GLRB: variants seen among roughly 807,000 people sequenced by gnomAD.
GLRB encodes glycine receptor subunit beta.
In GLRB, 33 loss-of-function variants were observed where a neutral mutation model predicts 54.2. The ratio of observed to expected loss-of-function variants is 0.61; its 90% CI spans 0.46 to 0.81. The LOEUF is 0.81. Ranked by LOEUF, GLRB falls within the 40% of genes least tolerant of loss-of-function variation. GLRB has a pLI of 0.00. For missense variants in GLRB, 572 were observed against 584.6 expected (o/e 0.98, Z 0.22); for synonymous variants, 209 against 208.2 (o/e 1.00, Z -0.03).
intron 9 of GLRB, among the ~76,000 whole-genome samples, chr4:157,153,588 G>A (rs1307917401): frequency 6.6e-6 from 1 of 152,148 alleles, no homozygotes; most frequent in African/African-American, 2.4e-5. Context: ...GCAGGAGAAG[G>A]AATATTTAAG....
chr4:157,170,463 C>T lies in GLRB; in HGVS notation c.1229C>T (p.Thr410Ile). Reference sequence around the variant, plus strand: ...GAGACCAGATGCAAAAAAGTTTGTACTTCTAAGTCTGATCTGAGATCTAAT... The same window carrying T: ...GAGACCAGATGCAAAAAAGTTTGTATTTCTAAGTCTGATCTGAGATCTAAT... ...VGETRCKKVC[T>I]SKSDLRSNDF... The change falls in exon 10 of 10, where the codon ACT (threonine) becomes ATT (isoleucine). Residue 410 changes from threonine (T) to isoleucine (I), a missense_variant. Coordinates refer to ENST00000264428, the MANE Select transcript of GLRB (RefSeq NM_000824.5). The T allele has an allele frequency of 6.2e-7, 1 of 1,607,742 alleles. No homozygotes were observed. The highest frequency in any genetic ancestry group is 8.5e-7 in the Non-Finnish European group (1 of 1,174,568).
chr4:157,160,935 T>G (rs1410311235), intron 9 of GLRB, among the ~76,000 whole-genome samples: 1 of 152,160 alleles, frequency 6.6e-6, no homozygotes, highest in Non-Finnish European at 1.5e-5. Context: ...AGTGGGGTGT[T>G]AAAGTCTCCC....
chr4:157,166,786 T>C (rs1350583146), intron 9 of GLRB, among the ~76,000 whole-genome samples: 1 of 152,052 alleles, frequency 6.6e-6, no homozygotes, highest in Non-Finnish European at 1.5e-5. Flanking sequence ...CTGAAAAAAT[T>C]ATTCTCTTAC....
At position 157,170,357 on chromosome 4, in the gene GLRB, A is replaced by T; in HGVS notation, c.1198-75A>T. On this transcript the variant is annotated intron_variant, in intron 9 of 9. Coordinates refer to ENST00000264428, the MANE Select transcript of GLRB (RefSeq NM_000824.5). ...GCTTCTTGTAGAAACTAGCAATTTT[A>T]AAAATATCGTTTGAAGAGATGTGTT... 5 of 860,858 alleles carry T rather than the reference A, an allele frequency of 5.8e-6. No homozygotes were observed. The South Asian group carries it at 5.9e-5, about 10-fold the overall frequency. 53.3% of individuals were successfully genotyped at this position (860,858 alleles called of 1,614,324 possible).
At chr4:157,089,550 C>T (rs1734535271) in intron 2 of GLRB, among the ~76,000 whole-genome samples, 1 of 152,176 alleles carries the variant, frequency 6.6e-6, no homozygotes, top group Admixed American at 6.5e-5. Context: ...CCACATGTGG[C>T]TTCCTGAAAT....
intron 2 of GLRB, among the ~76,000 whole-genome samples, chr4:157,088,929 G>A (rs931644778): frequency 1.3e-5 from 2 of 152,014 alleles, no homozygotes; most frequent in African/African-American, 4.8e-5. Flanking sequence ...TCAACTAGTA[G>A]GATAAAATGG....
intron 2 of GLRB, 39 bp from the exon 3 acceptor site, chr4:157,120,517 A>G (rs1294617336): frequency 5.5e-6 from 6 of 1,094,392 alleles, no homozygotes; most frequent in East Asian, 4.8e-5. Flanking sequence ...GTTGTTTGCT[A>G]TTTATAACTA....
intron 2 of GLRB, among the ~76,000 whole-genome samples, chr4:157,097,635 A>G (rs1734861105): frequency 6.6e-6 from 1 of 152,210 alleles, no homozygotes; most frequent in Non-Finnish European, 1.5e-5. Context: ...ATTCAGCAAA[A>G]TATATAAATC....
chr4:157,137,952 A>G (rs1736465888), intron 6 of GLRB, among the ~76,000 whole-genome samples: 1 of 152,206 alleles, frequency 6.6e-6, no homozygotes, highest in African/African-American at 2.4e-5. Context: ...ACCTAAGCCC[A>G]AAATGTGTGT....
chr4:157,130,682 T>C (rs1736182098), intron 4 of GLRB, among the ~76,000 whole-genome samples: 1 of 151,684 alleles, frequency 6.6e-6, no homozygotes, highest in Non-Finnish European at 1.5e-5. Flanking sequence ...AGCTTTTGGC[T>C]GCTGTAAATA....
intron 2 of GLRB, chr4:157,084,525 A>G (rs538653451): frequency 9.0e-6 from 4 of 445,620 alleles, no homozygotes; most frequent in East Asian, 1.4e-4. Flanking sequence ...TAATTACATA[A>G]ATAACTTTTA....
chr4:157,136,390 C>A, intron 4 of GLRB, 79 bp from the exon 5 acceptor site: 1 of 807,224 alleles, frequency 1.2e-6, no homozygotes, highest in South Asian at 1.4e-5. Flanking sequence ...TCATTGTAAC[C>A]CTTTTTGTTT....
At chr4:157,096,466 CT>C (rs1277633820) in intron 2 of GLRB, among the ~76,000 whole-genome samples, 1 of 152,130 alleles carries the variant, frequency 6.6e-6, no homozygotes, top group Non-Finnish European at 1.5e-5. Flanking sequence ...TAATTGAGGC[CT>C]GCAGATTCTA....
At position 157,152,858 on chromosome 4, in the gene GLRB, G is replaced by A. The variant is rs1737077376; in HGVS notation, c.1045G>A (p.Val349Ile). ...GTTTGCTTCCCTGGTGGAGTATGCA[G>A]TTGTCCAGGTGATGCTGAACAACCC... Reference protein sequence around the residue: ...FGFASLVEYAVVQVMLNNPKR... With the variant: ...FGFASLVEYAIVQVMLNNPKR... Residue 349 changes from valine to isoleucine, a missense_variant, in exon 9 of 10, where the codon GTT becomes ATT. Physicochemically the swap from Val to Ile is conservative, Grantham distance 29 (BLOSUM62 3). Transcript: ENST00000264428. 1.2e-6 allele frequency: 2 copies of A among 1,613,962 alleles called. No individual in the cohort carries two copies. Among genetic ancestry groups the A allele is most frequent in the Non-Finnish European group, 1.7e-6 (2 of 1,180,010 alleles).
At chr4:157,158,130 G>A (rs960484660) in intron 9 of GLRB, among the ~76,000 whole-genome samples, 2 of 152,008 alleles carry the variant, frequency 1.3e-5, no homozygotes, top group African/African-American at 4.8e-5. Flanking sequence ...CTGCATAAAT[G>A]TCTTCTTTTA....
chr4:157,129,459 T>C (rs1173498953), intron 4 of GLRB, among the ~76,000 whole-genome samples: 1 of 151,828 alleles, frequency 6.6e-6, no homozygotes, highest in African/African-American at 2.4e-5. Flanking sequence ...TGAGCTTTTA[T>C]CTTTTCATGA....
chr4:157,093,278 A>G (rs539120201), intron 2 of GLRB, among the ~76,000 whole-genome samples: 2 of 152,198 alleles, frequency 1.3e-5, no homozygotes, highest in African/African-American at 2.4e-5. Context: ...TTAATAGTAT[A>G]TAATTTGGAT....
At chr4:157,086,934 T>C (rs1276010896) in intron 2 of GLRB, among the ~76,000 whole-genome samples, 1 of 152,180 alleles carries the variant, frequency 6.6e-6, no homozygotes, top group Non-Finnish European at 1.5e-5. Context: ...GCATACTTGA[T>C]GTTTTGACAC....
At chr4:157,096,249 T>A (rs776365879) in intron 2 of GLRB, among the ~76,000 whole-genome samples, 7 of 152,186 alleles carry the variant, frequency 4.6e-5, no homozygotes, top group Non-Finnish European at 1.0e-4. Flanking sequence ...CATTTTTAAA[T>A]CAAGCTCAGA....
Sources: gnomAD v4.1 joint callset for allele counts (sites outside exome capture counted in the v4.1 genomes callset) on GRCh38, gnomAD v4.1.1 for gene constraint, MANE v1.5 for transcripts, NCBI Gene and HGNC (gene_info 2026-07-23, HGNC 2026-07-21) for gene names.